Variants in FAM83F observed in about 807,000 individuals in gnomAD.
FAM83F encodes protein FAM83F.
Under a neutral mutation model 42.9 loss-of-function variants are expected in FAM83F, and 45 were observed. That is an observed-to-expected ratio of 1.05 (90% confidence interval 0.83 to 1.35). FAM83F has a LOEUF of 1.35. Ranked by LOEUF, FAM83F falls within the 40% of genes most tolerant of loss-of-function variation. The pLI is 0.00. For missense variants in FAM83F, 617 were observed against 695.9 expected, an observed-to-expected ratio of 0.89 and a Z score of 1.28; for synonymous variants, 306 against 298.3, an observed-to-expected ratio of 1.03 and a Z score of -0.27.
intron 1 of FAM83F, among the ~76,000 whole-genome samples, chr22:39,997,566 G>T (rs2067378060): frequency 1.3e-5 from 2 of 152,170 alleles, no homozygotes; most frequent in African/African-American, 4.8e-5. Flanking sequence ...GGAAAGAAAA[G>T]AGTTTTTAAG....
Position 40,019,126 on chromosome 22 carries a change from G to T in FAM83F, c.490-42G>T, listed in dbSNP as rs756501152. On this transcript the variant is annotated intron_variant, in intron 1 of 4. Coordinates refer to ENST00000333407, the MANE Select transcript of FAM83F (RefSeq NM_138435.4). ...CTGAGCAGGGCATGCCTCTGTGGGCGTGTAGACACCGTGTGCCTCACCAGT... is the reference window on the plus strand; with the variant it reads ...CTGAGCAGGGCATGCCTCTGTGGGCTTGTAGACACCGTGTGCCTCACCAGT... The T allele has an allele frequency of 3.1e-6, 5 of 1,607,002 alleles. No individual in the cohort carries two copies. In the African/African-American group the frequency reaches 6.7e-5, roughly 21 times the overall value.
intron 4 of FAM83F, among the ~76,000 whole-genome samples, chr22:40,025,319 G>A (rs2067545558): frequency 1.3e-5 from 2 of 151,920 alleles, no homozygotes; most frequent in South Asian, 4.2e-4. Flanking sequence ...CTTGGGAGGT[G>A]GAGGCAGGAG....
chr22:39,995,553 C>G lies in FAM83F; in HGVS notation c.489+22C>G, dbSNP rs963597547. On this transcript the variant is annotated intron_variant, in intron 1 of 4. Coordinates refer to ENST00000333407, the MANE Select transcript of FAM83F (RefSeq NM_138435.4). The surrounding 1 kb of genome is among the most constrained non-coding windows in gnomAD (Gnocchi z 4.6). The stretch of plus-strand genomic sequence containing the variant: ...GAAGGTAGGCCCCCGCCTTCGCCCC[C>G]ACACCGCTGGGACCTCGGCCCCAGT... 7 of 1,532,068 alleles carry G rather than the reference C, an allele frequency of 4.6e-6. No homozygotes were observed. In the Admixed American group the frequency reaches 9.8e-5, roughly 21 times the overall value. 94.9% of individuals were successfully genotyped at this position (1,532,068 alleles called of 1,614,324 possible).
chr22:40,008,675 C>A (rs1417621258), intron 1 of FAM83F, among the ~76,000 whole-genome samples: 1 of 152,186 alleles, frequency 6.6e-6, no homozygotes, highest in Non-Finnish European at 1.5e-5. Flanking sequence ...TTTCTTGGGC[C>A]TTTGCTGAAT....
Position 40,021,947 on chromosome 22 carries a change from C to T in FAM83F, c.1437C>T (p.Ser479=). Residue 479 remains serine (S), a synonymous_variant, in exon 4 of 5, where the codon TCC becomes TCT. Coordinates refer to ENST00000333407, the MANE Select transcript of FAM83F (RefSeq NM_138435.4). This position sits in a 1 kb window ranked among gnomAD's most constrained non-coding sequence, Gnocchi z 8.7. ...FLTGKRPNEN[S]SADISGKTSP... ...CGGGGAAGAGGCCCAACGAGAATTC[C>T]AGTGCTGACATCTCAGGTGAGCCCT... is the stretch of plus-strand genomic sequence containing the variant. 4.5e-6 allele frequency: 7 copies of T among 1,562,454 alleles called. No homozygotes were observed. Among genetic ancestry groups the T allele is most frequent in the Non-Finnish European group, 6.1e-6 (7 of 1,153,242 alleles).
intron 1 of FAM83F, among the ~76,000 whole-genome samples, chr22:40,001,866 G>A (rs2067403430): frequency 6.6e-6 from 1 of 152,166 alleles, no homozygotes; most frequent in South Asian, 2.1e-4. Context: ...GAGATTAGAG[G>A]TAGGGGAATT....
intron 1 of FAM83F, among the ~76,000 whole-genome samples, chr22:40,003,351 G>A (rs1029629297): frequency 5.3e-5 from 8 of 152,048 alleles, no homozygotes; most frequent in Admixed American, 4.6e-4. Context: ...GCAACTGTCA[G>A]TCCCCCCATC....
intron 4 of FAM83F, among the ~76,000 whole-genome samples, chr22:40,029,130 TGTGA>T (rs1356406015): frequency 6.8e-5 from 8 of 118,040 alleles, no homozygotes; most frequent in South Asian, 2.6e-4. Context: ...TGTGTGTGTG[TGTGA>T]AAGCAAGTTT....
intron 3 of FAM83F, among the ~76,000 whole-genome samples, chr22:40,020,495 C>T (rs779542024): frequency 2.0e-5 from 3 of 151,460 alleles, no homozygotes; most frequent in Admixed American, 6.6e-5. Flanking sequence ...CCCTAGTAGC[C>T]GGGATTACAG....
At chr22:40,017,349 C>T (rs1012267556) in intron 1 of FAM83F, among the ~76,000 whole-genome samples, 2 of 151,760 alleles carry the variant, frequency 1.3e-5, no homozygotes, top group African/African-American at 4.9e-5. Context: ...TCTCCTGCCT[C>T]AGCCTCCCCA....
rs1234903309 is a variant in FAM83F, at chr22:40,032,845, A to AG, written c.*3282dup. Reference sequence around the variant, plus strand: ...TGGCCTCCCAAAGTGCTGGGATTACAGGCCACCGTACCCGGCCAGGCTATT... The same window carrying AG: ...TGGCCTCCCAAAGTGCTGGGATTACAGGGCCACCGTACCCGGCCAGGCTATT... On this transcript the variant is annotated 3_prime_UTR_variant, in exon 5 of 5. Transcript: ENST00000333407. 7 of 152,166 alleles carry AG rather than the reference A, an allele frequency of 4.6e-5. No individual in the cohort carries two copies. Among genetic ancestry groups the AG allele is most frequent in the Admixed American group, 1.3e-4 (2 of 15,272 alleles). The allele number at this position is 152,166 out of a possible 1,614,324, so 9.4% of individuals were successfully genotyped here.
chr22:40,011,720 A>G (rs764441176), intron 1 of FAM83F, among the ~76,000 whole-genome samples: 8 of 152,214 alleles, frequency 5.3e-5, no homozygotes, highest in Non-Finnish European at 8.8e-5. Context: ...CTGCTGTAAA[A>G]CATTCTATCA....
At chr22:40,024,358 T>G (rs1357363252) in intron 4 of FAM83F, among the ~76,000 whole-genome samples, 1 of 152,124 alleles carries the variant, frequency 6.6e-6, no homozygotes, top group South Asian at 2.1e-4. Context: ...CATGGCCAAG[T>G]GGGGCTGCTT....
At position 40,014,744 on chromosome 22, in the gene FAM83F, G is replaced by T. The variant is rs191663358; in HGVS notation, c.490-4424G>T. On this transcript the variant is annotated intron_variant, in intron 1 of 4. Transcript: ENST00000333407. Reference sequence around the variant, plus strand: ...CAGTCTTTTTAAACAGCCGGTTTTTGATTCAGTGTTCCTGAAGTACCTCCC... The same window carrying T: ...CAGTCTTTTTAAACAGCCGGTTTTTTATTCAGTGTTCCTGAAGTACCTCCC... Among the ~76,000 whole-genome samples, 39 of 152,100 alleles carry T rather than the reference G, an allele frequency of 2.6e-4. No individual in the cohort carries two copies. In the East Asian group the frequency reaches 7.5e-3, roughly 29 times the overall value.
intron 1 of FAM83F, among the ~76,000 whole-genome samples, chr22:40,010,442 T>A (rs1179753980): frequency 1.3e-5 from 2 of 152,188 alleles, no homozygotes; most frequent in African/African-American, 2.4e-5. Flanking sequence ...GCAATTGATT[T>A]TTTTTTCTAC....
chr22:40,003,507 C>A (rs1360252022), intron 1 of FAM83F, among the ~76,000 whole-genome samples: 1 of 151,816 alleles, frequency 6.6e-6, no homozygotes, highest in African/African-American at 2.4e-5. Flanking sequence ...AACAAATGAG[C>A]CCAGGGCTGC....
chr22:40,001,978 T>C (rs2067404483), intron 1 of FAM83F, among the ~76,000 whole-genome samples: 1 of 152,180 alleles, frequency 6.6e-6, no homozygotes, highest in Admixed American at 6.5e-5. Context: ...TGTATTGATC[T>C]GTTTGCCTTG....
chr22:40,027,254 T>A (rs2067558710), intron 4 of FAM83F, among the ~76,000 whole-genome samples: 1 of 152,156 alleles, frequency 6.6e-6, no homozygotes, highest in South Asian at 2.1e-4. Flanking sequence ...ATACAGGGAA[T>A]GCGAAGCCCT....
intron 3 of FAM83F, among the ~76,000 whole-genome samples, chr22:40,020,641 G>T (rs898562083): frequency 2.6e-5 from 4 of 152,116 alleles, no homozygotes; most frequent in African/African-American, 9.7e-5. Flanking sequence ...GAGATTACAG[G>T]TGTGAGCCTG....
Sources: gnomAD v4.1 joint callset for allele counts (sites outside exome capture counted in the v4.1 genomes callset) on GRCh38, gnomAD v4.1.1 for gene constraint, Gnocchi (gnomAD v3.1) non-coding constraint, MANE v1.5 for transcripts, NCBI Gene and HGNC (gene_info 2026-07-23, HGNC 2026-07-21) for gene names.